RASA1: variants seen among roughly 807,000 people sequenced by gnomAD.
The protein encoded by RASA1 is RAS p21 protein activator 1, also known as ras GTPase-activating protein 1.
In RASA1, 25 loss-of-function variants were observed where a neutral mutation model predicts 132.2. The observed-to-expected ratio is 0.19, with a 90% CI of 0.14 to 0.26. RASA1 has a LOEUF of 0.26. RASA1 is among the 10% of genes least tolerant of loss of function. The probability of loss-of-function intolerance (pLI) is 1.00; values close to 1 mark genes in which losing one functional copy is unlikely to be tolerated. For missense variants in RASA1, 964 were observed against 1,299.2 expected (o/e 0.74, Z 3.97); for synonymous variants, 477 against 449.9 (o/e 1.06, Z -0.76).
rs185067003 is a variant in RASA1, at chr5:87,378,558, A to G, written c.2487+20A>G. The G allele has an allele frequency of 1.6e-5, 25 of 1,587,540 alleles. No homozygotes were observed. In the Admixed American group the frequency reaches 3.7e-4, roughly 23 times the overall value. On this transcript the variant is annotated intron_variant, in intron 18 of 24. Transcript: ENST00000274376. Reference sequence around the variant, plus strand: ...TGTGAGGTAAGAATTTAATGTTTTAATAAGTATTTTTGCAAAGAACATATT... The same window carrying G: ...TGTGAGGTAAGAATTTAATGTTTTAGTAAGTATTTTTGCAAAGAACATATT...
chr5:87,270,784 T>C (rs1299892414), intron 1 of RASA1, among the ~76,000 whole-genome samples: 1 of 151,270 alleles, frequency 6.6e-6, no homozygotes, highest in Non-Finnish European at 1.5e-5. Context: ...CTTTTGATAC[T>C]TAAAGGGGAA....
intron 17 of RASA1, 82 bp downstream of exon 17, chr5:87,377,122 A>G: frequency 6.7e-7 from 1 of 1,485,584 alleles, no homozygotes; most frequent in Non-Finnish European, 9.3e-7. Context: ...ATCTCTGAAT[A>G]TACTAAATTG....
chr5:87,282,675 G>A lies in RASA1; in HGVS notation c.539+13685G>A, dbSNP rs946805281. Among the ~76,000 whole-genome samples, 10 of 151,966 alleles carry A rather than the reference G, an allele frequency of 6.6e-5. No individual in the cohort carries two copies. The South Asian group carries it at 1.2e-3, about 19-fold the overall frequency. On this transcript the variant is annotated intron_variant, in intron 1 of 24. Coordinates refer to ENST00000274376, the MANE Select transcript of RASA1 (RefSeq NM_002890.3). ...CTTTTCTTTGGGACTCCAGTGATACGGAGTTAGATCTTACGTTACTGTCTT... is the reference window on the plus strand; with the variant it reads ...CTTTTCTTTGGGACTCCAGTGATACAGAGTTAGATCTTACGTTACTGTCTT...
chr5:87,309,713 G>T (rs1482070401), intron 1 of RASA1, among the ~76,000 whole-genome samples: 1 of 151,492 alleles, frequency 6.6e-6, no homozygotes, highest in Non-Finnish European at 1.5e-5. Flanking sequence ...TTTGATTTTT[G>T]GTTTTTGTTT....
chr5:87,277,295 G>C (rs1041540073), intron 1 of RASA1, among the ~76,000 whole-genome samples: 1 of 152,126 alleles, frequency 6.6e-6, no homozygotes, highest in Non-Finnish European at 1.5e-5. Flanking sequence ...TGGCATTTTG[G>C]ACTTAATAGT....
chr5:87,289,832 C>T (rs1371952206), intron 1 of RASA1, among the ~76,000 whole-genome samples: 1 of 152,148 alleles, frequency 6.6e-6, no homozygotes, highest in Non-Finnish European at 1.5e-5. Context: ...TCGTCTTGAA[C>T]TCTTGGACTT....
At chr5:87,319,507 A>T (rs764246588) in intron 1 of RASA1, among the ~76,000 whole-genome samples, 16 of 152,146 alleles carry the variant, frequency 1.1e-4, no homozygotes, top group Non-Finnish European at 2.1e-4. Context: ...TGTGGAATCC[A>T]CCAAGGCTTG....
intron 11 of RASA1, 66 bp downstream of exon 11, chr5:87,363,570 A>C: frequency 6.5e-7 from 1 of 1,542,776 alleles, no homozygotes; most frequent in Non-Finnish European, 8.9e-7. Flanking sequence ...CAAACAAAGC[A>C]AACCAATTTT....
In RASA1 at chr5:87,282,076, T is replaced by C. The variant is rs78785388; in HGVS notation, c.539+13086T>C. On this transcript the variant is annotated intron_variant, in intron 1 of 24. Transcript: ENST00000274376. ...ATTCCAGCTTACTTGTTTTTTTCTT[T>C]TGTTGCCTATAAGTTTTATTTCAGT... Among the ~76,000 whole-genome samples the C allele has an allele frequency of 7.6e-3, 1,159 of 152,282 alleles. 18 individuals carry two copies. Among genetic ancestry groups the C allele is most frequent in the African/African-American group, 0.027 (1,120 of 41,542 alleles).
intron 7 of RASA1, among the ~76,000 whole-genome samples, chr5:87,348,051 A>G (rs1159663366): frequency 6.6e-6 from 1 of 152,002 alleles, no homozygotes; most frequent in East Asian, 1.9e-4. Flanking sequence ...CTTGCATGAA[A>G]TTCCTATCAT....
At chr5:87,303,185 G>A (rs979849896) in intron 1 of RASA1, among the ~76,000 whole-genome samples, 1 of 151,946 alleles carries the variant, frequency 6.6e-6, no homozygotes, top group Non-Finnish European at 1.5e-5. Context: ...TCTTCAGTAG[G>A]ACCTGTCTCT....
intron 1 of RASA1, among the ~76,000 whole-genome samples, chr5:87,272,759 T>G (rs188666757): frequency 6.6e-6 from 1 of 152,188 alleles, no homozygotes; most frequent in East Asian, 1.9e-4. Context: ...CGATTAATTA[T>G]ATTAAGAATT....
At chr5:87,326,259 C>T (rs541612838) in intron 1 of RASA1, among the ~76,000 whole-genome samples, 30 of 152,292 alleles carry the variant, frequency 2.0e-4, no homozygotes, top group African/African-American at 7.2e-4. Flanking sequence ...TTGGGAGCTA[C>T]TGCGCCTGGC....
intron 1 of RASA1, among the ~76,000 whole-genome samples, chr5:87,302,398 A>G (rs1755406040): frequency 6.6e-6 from 1 of 151,212 alleles, no homozygotes; most frequent in African/African-American, 2.4e-5. Context: ...CCAGTTTTCT[A>G]TTGGTTTTTC....
intron 1 of RASA1, among the ~76,000 whole-genome samples, chr5:87,327,608 G>GTCAGCATAATCATACT (rs1316479455): frequency 6.6e-6 from 1 of 152,166 alleles, no homozygotes; most frequent in African/African-American, 2.4e-5. Flanking sequence ...CTCAGGGAGT[G>GTCAGCATAATCATACT]TCAGCATAAT....
In RASA1 at chr5:87,374,252, T is replaced by C. The variant is rs1761156206; in HGVS notation, c.1866T>C (p.Ser622=). The stretch of plus-strand genomic sequence containing the variant: ...CATATTGTAACATCTACCTGAATAG[T>C]GTCCAAGTAGCAAAAACTCATGCAA... The part of the protein sequence containing the change: ...TNPYCNIYLN[S]VQVAKTHARE... The change falls in exon 14 of 25, where the codon AGT becomes AGC. Residue 622 remains serine, a synonymous_variant. Transcript: ENST00000274376. The C allele has an allele frequency of 6.2e-7, 1 of 1,602,264 alleles. No individual in the cohort carries two copies. The highest frequency in any genetic ancestry group is 2.3e-5 in the East Asian group (1 of 44,414).
In RASA1 at chr5:87,268,790, C is replaced by T; in HGVS notation, c.339C>T (p.Asp113=). 1.2e-6 allele frequency: 2 copies of T among 1,614,096 alleles called. No individual in the cohort carries two copies. The highest frequency in any genetic ancestry group is 1.7e-6 in the Non-Finnish European group (2 of 1,180,030). Residue 113 remains aspartate (D), a synonymous_variant, in exon 1 of 25, where the codon GAC becomes GAT. Coordinates refer to ENST00000274376, the MANE Select transcript of RASA1 (RefSeq NM_002890.3). ...AGAAVAGPSG[D]MALTKLPTSL... is the part of the protein sequence containing the mutation. ...CTGCTGTTGCTGGACCTAGTGGAGACATGGCTCTCACCAAACTGCCCACTT... is the reference window on the plus strand; with the variant it reads ...CTGCTGTTGCTGGACCTAGTGGAGATATGGCTCTCACCAAACTGCCCACTT...
At chr5:87,308,037 A>G (rs767613302) in intron 1 of RASA1, among the ~76,000 whole-genome samples, 45 of 152,142 alleles carry the variant, frequency 3.0e-4, no homozygotes, top group Admixed American at 9.8e-4. Context: ...TAGCTTCACA[A>G]TTCAGTAGAT....
chr5:87,282,956 C>T (rs891342369), intron 1 of RASA1, among the ~76,000 whole-genome samples: 7 of 152,176 alleles, frequency 4.6e-5, no homozygotes, highest in East Asian at 1.9e-4. Flanking sequence ...CGTTACCTTA[C>T]GTACTCAGCA....
Sources: gnomAD v4.1 joint callset for allele counts (sites outside exome capture counted in the v4.1 genomes callset) on GRCh38, gnomAD v4.1.1 for gene constraint, MANE v1.5 for transcripts, NCBI Gene and HGNC (gene_info 2026-07-23, HGNC 2026-07-21) for gene names.